Variants in ELAVL2 observed in about 807,000 individuals in gnomAD.
ELAVL2 encodes the protein ELAV-like protein 2.
Under a neutral mutation model 34.6 loss-of-function variants are expected in ELAVL2, and 4 were observed. That is an observed-to-expected ratio of 0.12 (90% CI 0.06 to 0.26). ELAVL2 has a LOEUF of 0.26. ELAVL2 is among the 10% of genes least tolerant of loss of function. The probability of loss-of-function intolerance (pLI) is 1.00; values close to 1 mark genes in which losing one functional copy is unlikely to be tolerated. For missense variants in ELAVL2, 432 were observed against 442.8 expected (o/e 0.98, Z 0.22); for synonymous variants, 193 against 154.8 (o/e 1.25, Z -1.83).
intron 1 of ELAVL2, chr9:23,783,602 G>T (rs1397900905): frequency 1.5e-6 from 1 of 650,194 alleles, no homozygotes; most frequent in African/African-American, 2.0e-5. Context: ...CAACACATTT[G>T]AAGGACAGAC....
Position 23,771,360 on chromosome 9 carries a change from G to C in ELAVL2, c.-15-9111C>G, listed in dbSNP as rs545560850. ...TATGCTCTGGACACTAAGAACACAAGATGAATAAGCAAAGGAAGAGATTTT... is the reference window on the plus strand; with the variant it reads ...TATGCTCTGGACACTAAGAACACAACATGAATAAGCAAAGGAAGAGATTTT... On this transcript the variant is annotated intron_variant, in intron 1 of 6. Transcript: ENST00000397312. Among the ~76,000 whole-genome samples, 72 of 152,046 alleles carry C rather than the reference G, an allele frequency of 4.7e-4. No individual in the cohort carries two copies. In the Middle Eastern group the frequency reaches 0.014, roughly 29 times the overall value.
chr9:23,705,326 G>T (rs1339224925), intron 3 of ELAVL2, among the ~76,000 whole-genome samples: 1 of 152,150 alleles, frequency 6.6e-6, no homozygotes, highest in Non-Finnish European at 1.5e-5. Context: ...GCAAGGGACA[G>T]AAATTTCACA....
intron 1 of ELAVL2, among the ~76,000 whole-genome samples, chr9:23,803,409 A>G (rs916147458): frequency 1.3e-5 from 2 of 152,208 alleles, no homozygotes; most frequent in African/African-American, 2.4e-5. Context: ...CCTACACAAT[A>G]CAAAGCATGC....
At chr9:23,724,253 C>G (rs975837564) in intron 3 of ELAVL2, among the ~76,000 whole-genome samples, 1 of 152,194 alleles carries the variant, frequency 6.6e-6, no homozygotes, top group Admixed American at 6.5e-5. Flanking sequence ...GCAGGGGACA[C>G]TGCCACCAAG....
At chr9:23,761,914 C>A (rs1053843548) in intron 2 of ELAVL2, 92 bp downstream of exon 2, 1 of 1,393,126 alleles carries the variant, frequency 7.2e-7, no homozygotes, top group South Asian at 1.6e-5. Flanking sequence ...AAAATTGCAG[C>A]AGTGAATTAT....
chr9:23,787,168 A>T, intron 1 of ELAVL2, among the ~76,000 whole-genome samples: 1 of 152,118 alleles, frequency 6.6e-6, no homozygotes. Context: ...TATTAATTTA[A>T]TTTAGGATAT....
At chr9:23,789,636 C>T (rs934683774) in intron 1 of ELAVL2, among the ~76,000 whole-genome samples, 20 of 152,144 alleles carry the variant, frequency 1.3e-4, no homozygotes, top group African/African-American at 4.8e-4. Context: ...TCCACGCACT[C>T]AGCAGGGTAA....
the ELAVL2 span, among the ~76,000 whole-genome samples, chr9:23,835,375 G>A: frequency 6.6e-6 from 1 of 152,028 alleles, no homozygotes; most frequent in Non-Finnish European, 1.5e-5. Context: ...GCCTTGAAAG[G>A]AACCAGTTCC....
At chr9:23,767,259 T>C (rs2056466321) in intron 1 of ELAVL2, among the ~76,000 whole-genome samples, 1 of 152,220 alleles carries the variant, frequency 6.6e-6, no homozygotes, top group Non-Finnish European at 1.5e-5. Context: ...ACATCTACTG[T>C]TTTCACAATA....
the ELAVL2 span, among the ~76,000 whole-genome samples, chr9:23,835,525 T>G: frequency 6.6e-6 from 1 of 152,110 alleles, no homozygotes; most frequent in Non-Finnish European, 1.5e-5. Flanking sequence ...GCTTGAAAAA[T>G]CTATCAAAAT....
At chr9:23,739,056 A>T (rs2048538608) in intron 2 of ELAVL2, among the ~76,000 whole-genome samples, 1 of 152,228 alleles carries the variant, frequency 6.6e-6, no homozygotes, top group African/African-American at 2.4e-5. Flanking sequence ...CAGAAACAGC[A>T]TATTAAATCC....
chr9:23,722,199 C>T (rs568890480), intron 3 of ELAVL2, among the ~76,000 whole-genome samples: 10 of 152,302 alleles, frequency 6.6e-5, no homozygotes, highest in African/African-American at 1.9e-4. Context: ...AGAGTCTACG[C>T]AAATTTAAAG....
chr9:23,834,776 C>T, the ELAVL2 span, among the ~76,000 whole-genome samples: 3 of 152,008 alleles, frequency 2.0e-5, no homozygotes, highest in Non-Finnish European at 2.9e-5. Context: ...CATCTATCTG[C>T]CCTGTTATGT....
intron 1 of ELAVL2, among the ~76,000 whole-genome samples, chr9:23,824,251 T>C (rs1282614114): frequency 1.3e-5 from 2 of 152,194 alleles, no homozygotes; most frequent in African/African-American, 2.4e-5. Context: ...CACAGTTGTA[T>C]AGCTTTCGTA....
intron 1 of ELAVL2, among the ~76,000 whole-genome samples, chr9:23,817,930 G>A (rs915080702): frequency 1.1e-4 from 17 of 152,264 alleles, no homozygotes; most frequent in African/African-American, 4.1e-4. Flanking sequence ...TCAAGCTTAA[G>A]TGTCTTCTGT....
At chr9:23,781,262 C>T (rs1373849120) in intron 1 of ELAVL2, among the ~76,000 whole-genome samples, 1 of 152,168 alleles carries the variant, frequency 6.6e-6, no homozygotes, top group East Asian at 1.9e-4. Flanking sequence ...TCATGCTCTC[C>T]TAAAAACACA....
chr9:23,700,973 T>C (rs2036994609), intron 5 of ELAVL2, among the ~76,000 whole-genome samples: 3 of 152,074 alleles, frequency 2.0e-5, no homozygotes, highest in East Asian at 3.9e-4. Flanking sequence ...GCATTATTGG[T>C]GCTTTGGACC....
At chr9:23,821,090 A>G (rs1350726651) in intron 1 of ELAVL2, 1 of 152,596 alleles carries the variant, frequency 6.6e-6, no homozygotes, top group Admixed American at 6.5e-5. Context: ...GGCACACACC[A>G]GACACCACCC....
At chr9:23,733,112 A>G (rs2046990511) in intron 2 of ELAVL2, among the ~76,000 whole-genome samples, 1 of 150,410 alleles carries the variant, frequency 6.6e-6, no homozygotes, top group South Asian at 2.1e-4. Context: ...CCTGCATCTT[A>G]GCAGCTTCTA....
Sources: allele counts gnomAD v4.1 joint callset (sites outside exome capture counted in the v4.1 genomes callset), GRCh38; gene constraint gnomAD v4.1.1; transcripts MANE v1.5; gene names NCBI Gene and HGNC (gene_info 2026-07-23, HGNC 2026-07-21).